The following UBOX5 variants were observed in gnomAD, a reference collection of about 807,000 sequenced individuals.
UBOX5 encodes the protein U-box domain containing 5, also known as RING finger protein 37.
Under a neutral mutation model 39.0 loss-of-function variants are expected in UBOX5, and 28 were observed. The observed-to-expected ratio is 0.72, with a 90% CI of 0.53 to 0.98. UBOX5 has a LOEUF of 0.98. UBOX5 is among the 50% of genes least tolerant of loss of function. UBOX5 has a pLI of 0.00. For missense variants in UBOX5, 585 were observed against 674.4 expected, an observed-to-expected ratio of 0.87 and a Z score of 1.47; for synonymous variants, 283 against 275.5, an observed-to-expected ratio of 1.03 and a Z score of -0.27.
chr20:3,150,849 T>A (rs1232719685), intron 1 of UBOX5: 1 of 152,224 alleles, frequency 6.6e-6, no homozygotes, highest in African/African-American at 2.4e-5. Flanking sequence ...ACATTAAATT[T>A]TTATACACTT....
intron 1 of UBOX5, 108 bp downstream of exon 1, chr20:3,159,658 T>G (rs4815570): frequency 0.82 from 124,899 of 152,362 alleles, 51,877 homozygotes; most frequent in East Asian, 1. Flanking sequence ...CTCGATGCGC[T>G]CCAGCTCTGG....
intron 4 of UBOX5, among the ~76,000 whole-genome samples, chr20:3,111,225 T>C (rs903738901): frequency 6.6e-6 from 1 of 152,280 alleles, no homozygotes; most frequent in African/African-American, 2.4e-5. Context: ...CTCCTTGTGG[T>C]CCATGTCTCC....
At chr20:3,140,673 C>T (rs975528973) in intron 1 of UBOX5, among the ~76,000 whole-genome samples, 8 of 152,072 alleles carry the variant, frequency 5.3e-5, no homozygotes, top group Middle Eastern at 3.2e-3. Context: ...CAAAAAACCA[C>T]GCTGGTTTAA....
intron 1 of UBOX5, among the ~76,000 whole-genome samples, chr20:3,146,211 C>A (rs370093792): frequency 6.6e-6 from 1 of 151,860 alleles, no homozygotes; most frequent in Non-Finnish European, 1.5e-5. Context: ...TGTAGTGATA[C>A]GCGCCTGTAG....
intron 4 of UBOX5, 79 bp downstream of exon 4, chr20:3,115,226 G>C (rs1404373471): frequency 1.3e-6 from 2 of 1,496,126 alleles, no homozygotes; most frequent in African/African-American, 2.8e-5. Flanking sequence ...AGAGCCCCCA[G>C]GGACTCGGCC....
At chr20:3,151,854 C>T (rs1338179649) in intron 1 of UBOX5, 1 of 151,844 alleles carries the variant, frequency 6.6e-6, no homozygotes, top group East Asian at 1.9e-4. Context: ...CCTGTAATTC[C>T]AGCACTTTGA....
Position 3,121,597 on chromosome 20 carries a change from T to A in UBOX5, c.1042A>T (p.Thr348Ser). 6.2e-7 allele frequency: 1 copy of A among 1,605,376 alleles called. No individual in the cohort carries two copies. The highest frequency in any genetic ancestry group is 8.5e-7 in the Non-Finnish European group (1 of 1,175,820). ...GAAGAAGGGATCACTGCCAATGCCG[T>A]CTGTGCTCTCCCAAGCAGGTGGCAG... is the stretch of plus-strand genomic sequence containing the variant. ...PGCHLLGRAQ[T>S]ALAVIPSSIV... The change falls in exon 3 of 5, where the codon ACG becomes TCG. Residue 348 changes from threonine (T) to serine (S), a missense_variant. Coordinates refer to ENST00000217173, the MANE Select transcript of UBOX5 (RefSeq NM_014948.4).
intron 1 of UBOX5, chr20:3,136,305 G>C (rs2066471354): frequency 6.7e-6 from 1 of 149,810 alleles, no homozygotes; most frequent in South Asian, 2.1e-4. Flanking sequence ...ATGTATTACT[G>C]AGCATCTCAC....
intron 1 of UBOX5, among the ~76,000 whole-genome samples, chr20:3,155,414 T>C (rs374886655): frequency 1.3e-5 from 2 of 151,558 alleles, no homozygotes; most frequent in African/African-American, 4.8e-5. Context: ...ACCTGTAATC[T>C]CAGCTACTCA....
chr20:3,124,273 T>C (rs2066360223), intron 1 of UBOX5, among the ~76,000 whole-genome samples: 1 of 152,164 alleles, frequency 6.6e-6, no homozygotes, highest in Non-Finnish European at 1.5e-5. Context: ...GAGGCTGGAC[T>C]GTACTGCCGT....
intron 1 of UBOX5, among the ~76,000 whole-genome samples, chr20:3,159,254 G>A (rs2066721408): frequency 1.3e-5 from 2 of 152,214 alleles, no homozygotes; most frequent in African/African-American, 2.4e-5. Context: ...GTTTACCGAA[G>A]ACTCCGCATC....
At chr20:3,111,928 C>T (rs1334621310) in intron 4 of UBOX5, among the ~76,000 whole-genome samples, 6 of 152,114 alleles carry the variant, frequency 3.9e-5, no homozygotes, top group Non-Finnish European at 8.8e-5. Context: ...GAAGGGAGGG[C>T]AGGGGTGCCC....
chr20:3,141,896 C>T (rs2066519806), intron 1 of UBOX5, among the ~76,000 whole-genome samples: 2 of 151,942 alleles, frequency 1.3e-5, no homozygotes, highest in African/African-American at 4.8e-5. Context: ...ACAGGTGGTC[C>T]CAGCTACTTG....
chr20:3,140,492 T>C (rs1010775833), intron 1 of UBOX5, among the ~76,000 whole-genome samples: 1 of 152,094 alleles, frequency 6.6e-6, no homozygotes, highest in African/African-American at 2.4e-5. Context: ...CCAGGTGAGG[T>C]GGCCAGTCTC....
In UBOX5 at chr20:3,109,799, CG is replaced by C. The variant is rs1343955373; in HGVS notation, c.*306del. On this transcript the variant is annotated 3_prime_UTR_variant, in exon 5 of 5. Coordinates refer to ENST00000217173, the MANE Select transcript of UBOX5 (RefSeq NM_014948.4). The stretch of plus-strand genomic sequence containing the variant: ...TGGACAGGGGGGTATGCGGACTGCA[CG>C]GGGGGGCCCTCAGCAGGGGTCTTCC... 20 of 435,058 alleles carry C rather than the reference CG, an allele frequency of 4.6e-5. No individual in the cohort carries two copies. The East Asian group carries it at 8.8e-4, about 19-fold the overall frequency. The allele number at this position is 435,058 out of a possible 1,614,324, so 26.9% of individuals were successfully genotyped here. A position where few individuals can be genotyped will look rare whatever the true frequency, so the allele number is the denominator to read the frequency against.
At chr20:3,157,903 G>GT (rs1282973769) in intron 1 of UBOX5, among the ~76,000 whole-genome samples, 49 of 148,160 alleles carry the variant, frequency 3.3e-4, no homozygotes, top group East Asian at 9.8e-4. Flanking sequence ...GAATTCTTTT[G>GT]TTTTTTTTTT....
chr20:3,152,357 TGCAATTGCA>T (rs2066638227), intron 1 of UBOX5, among the ~76,000 whole-genome samples: 4 of 151,546 alleles, frequency 2.6e-5, no homozygotes, highest in Admixed American at 2.6e-4. Context: ...GGTGGGCGCC[TGCAATTGCA>T]GCTGGGGCAC....
chr20:3,125,377 G>C (rs1461935014), intron 1 of UBOX5, among the ~76,000 whole-genome samples: 2 of 131,082 alleles, frequency 1.5e-5, no homozygotes, highest in Non-Finnish European at 3.2e-5. Context: ...CTGCCCAGCT[G>C]CCCCGTCTGG....
At chr20:3,140,476 G>A (rs546317630) in intron 1 of UBOX5, among the ~76,000 whole-genome samples, 3 of 152,172 alleles carry the variant, frequency 2.0e-5, no homozygotes, top group African/African-American at 4.8e-5. Flanking sequence ...AAAATTCTAC[G>A]GGAACCCAGG....
Sources: gnomAD v4.1 joint callset for allele counts (sites outside exome capture counted in the v4.1 genomes callset) on GRCh38, gnomAD v4.1.1 for gene constraint, MANE v1.5 for transcripts, NCBI Gene and HGNC (gene_info 2026-07-23, HGNC 2026-07-21) for gene names.